Variants in TEX14 observed in about 807,000 individuals in gnomAD.
The protein encoded by TEX14 is inactive serine/threonine-protein kinase TEX14.
TEX14 carries 168 observed loss-of-function variants against 178.6 expected under a neutral mutation model. The ratio of observed to expected loss-of-function variants is 0.94; its 90% CI spans 0.83 to 1.07. The LOEUF is 1.07. Among genes scored for constraint, TEX14 ranks in the 50% least tolerant of loss-of-function variants. The pLI is 0.00. For synonymous variants in TEX14, 626 were observed against 634.1 expected (o/e 0.99, Z 0.19); for missense variants, 1,730 against 1,753.6 (o/e 0.99, Z 0.24).
intron 4 of TEX14, 82 bp from the exon 5 acceptor site, chr17:58,621,868 C>T (rs376414492): frequency 4.7e-5 from 68 of 1,461,292 alleles, no homozygotes; most frequent in African/African-American, 1.4e-4. Flanking sequence ...ATAAGTGGTC[C>T]GAGGAGCTGA....
intron 1 of TEX14, chr17:58,666,477 A>C (rs1412210773): frequency 6.7e-6 from 1 of 149,072 alleles, no homozygotes; most frequent in African/African-American, 2.5e-5. Context: ...AAAAAAAAAA[A>C]AAAAAAAAAA....
rs1360359180 is a variant in TEX14, at chr17:58,661,747, A to T, written c.-1-9745T>A. 2.0e-5 allele frequency: 11 copies of T among 557,110 alleles called. No homozygotes were observed. The East Asian group carries it at 3.3e-4, about 16-fold the overall frequency. The allele number at this position is 557,110 out of a possible 1,614,324, so 34.5% of individuals were successfully genotyped here. ...GTGGCGTTGGGGGCGGCATAGGGGA[A>T]GGCAACGGAGTCGGTTGTGCCGGGT... is the stretch of plus-strand genomic sequence containing the variant. On this transcript the variant is annotated intron_variant, in intron 1 of 31. Coordinates refer to ENST00000349033, the MANE Select transcript of TEX14 (RefSeq NM_031272.5).
At chr17:58,575,601 C>G (rs770079967) in intron 21 of TEX14, among the ~76,000 whole-genome samples, 4 of 152,262 alleles carry the variant, frequency 2.6e-5, no homozygotes, top group Admixed American at 6.5e-5. Context: ...CTTGTTTTAA[C>G]CAATAAAATA....
intron 1 of TEX14, chr17:58,659,364 C>T: frequency 2.0e-6 from 2 of 980,780 alleles, no homozygotes; most frequent in South Asian, 9.4e-5. Context: ...ATACTCATGG[C>T]AAATTGTATT....
At position 58,561,609 on chromosome 17, in the gene TEX14, A is replaced by G. The variant is rs1341959843; in HGVS notation, c.4068T>C (p.Ala1356=). Residue 1356 remains alanine (A), a synonymous_variant, in exon 29 of 32, where the codon GCT becomes GCC. Coordinates refer to ENST00000349033, the MANE Select transcript of TEX14 (RefSeq NM_031272.5). ...TEDLGEDTER[A]HSTLDEDLER... ...CCAGGTCCTCATCCAGAGTAGAGTG[A>G]GCTCTGTTTAAGGACAAGTGAAGAG... 1.9e-6 allele frequency: 3 copies of G among 1,610,528 alleles called. No homozygotes were observed. The highest frequency in any genetic ancestry group is 1.1e-5 in the South Asian group (1 of 90,992).
intron 2 of TEX14, among the ~76,000 whole-genome samples, chr17:58,648,784 TTC>T (rs1336620528): frequency 3.6e-5 from 5 of 140,256 alleles, no homozygotes; most frequent in African/African-American, 1.4e-4. Flanking sequence ...TTCTTTTTTT[TTC>T]TTTTTTTTTT....
chr17:58,588,272 C>T (rs1465437866), intron 15 of TEX14, among the ~76,000 whole-genome samples: 1 of 152,092 alleles, frequency 6.6e-6, no homozygotes, highest in African/African-American at 2.4e-5. Context: ...TGGTAACAGG[C>T]CCACCTTCAT....
intron 31 of TEX14, 68 bp downstream of exon 31, chr17:58,557,731 G>A: frequency 1.5e-6 from 2 of 1,298,066 alleles, no homozygotes; most frequent in Non-Finnish European, 1.1e-6. Flanking sequence ...ACTGGTAAAT[G>A]TTTTTAAGTC....
intron 1 of TEX14, among the ~76,000 whole-genome samples, chr17:58,666,896 T>A (rs1367811383): frequency 6.6e-6 from 1 of 152,210 alleles, no homozygotes; most frequent in Non-Finnish European, 1.5e-5. Flanking sequence ...CAGTCTTTAA[T>A]CTACATACTC....
rs537189848 is a variant in TEX14 at position 58,585,863 on chromosome 17, G to A, written c.3008C>T (p.Thr1003Met). ...GTCACTGTCACAGTCATTGTTGCCC[G>A]TCTTGTCAAACTTGCCATTTCCTCT... ...EPRGNGKFDK[T>M]GNNDCDSDQH... Residue 1003 changes from threonine (T) to methionine (M), a missense_variant, in exon 18 of 32, where the codon ACG becomes ATG. By Grantham distance (81) the Thr-to-Met change is moderately conservative. Around this residue, in one of 2 missense-constraint regions of TEX14, gnomAD observed 941 missense variants for 1,072.4 expected, o/e 0.88. Coordinates refer to ENST00000349033, the MANE Select transcript of TEX14 (RefSeq NM_031272.5). The A allele has an allele frequency of 4.5e-5, 73 of 1,613,954 alleles. No homozygotes were observed. Among genetic ancestry groups the A allele is most frequent in the African/African-American group, 1.5e-4 (11 of 74,962 alleles).
At chr17:58,678,883 G>A (rs543785689) in intron 1 of TEX14, among the ~76,000 whole-genome samples, 3 of 150,956 alleles carry the variant, frequency 2.0e-5, no homozygotes, top group Admixed American at 6.6e-5. Context: ...GCCAGGCGCC[G>A]TGGCTCACAC....
At chr17:58,579,578 G>A in intron 20 of TEX14, 87 bp downstream of exon 20, 8 of 1,144,524 alleles carry the variant, frequency 7.0e-6, no homozygotes, top group Non-Finnish European at 1.0e-5. Context: ...TGTCCCTCAG[G>A]ATCCCCCCAG....
intron 1 of TEX14, chr17:58,660,793 C>T (rs1361816473): frequency 3.8e-6 from 3 of 781,392 alleles, no homozygotes; most frequent in Non-Finnish European, 7.2e-6. Flanking sequence ...ACCAGTCACT[C>T]ACTGTCATGG....
rs1338569385 is a variant in TEX14 at position 58,621,660 on chromosome 17, G to A, written c.544C>T (p.Leu182Phe). The change falls in exon 5 of 32, where the codon CTC becomes TTC. Residue 182 changes from leucine to phenylalanine, a missense_variant. Transcript: ENST00000349033. Reference sequence around the variant, plus strand: ...CAAGGCAGTACTCACCCCTGCACGAGGCCCCCACACCAGGACGGGCTGTAG... The same window carrying A: ...CAAGGCAGTACTCACCCCTGCACGAAGCCCCCACACCAGGACGGGCTGTAG... ...LVYSPSWCGG[L>F]VQGNPNGSPN... 2 of 1,613,624 alleles carry A rather than the reference G, an allele frequency of 1.2e-6. No homozygotes were observed. The highest frequency in any genetic ancestry group is 1.7e-6 in the Non-Finnish European group (2 of 1,179,742).
At chr17:58,683,960 G>C (rs2047547468) in intron 1 of TEX14, among the ~76,000 whole-genome samples, 1 of 151,900 alleles carries the variant, frequency 6.6e-6, no homozygotes, top group Non-Finnish European at 1.5e-5. Flanking sequence ...AGCTACTCGG[G>C]AGGCTGAGGC....
chr17:58,642,271 C>T (rs989234278), intron 2 of TEX14, among the ~76,000 whole-genome samples: 1 of 152,184 alleles, frequency 6.6e-6, no homozygotes, highest in South Asian at 2.1e-4. Flanking sequence ...GCACAGTGTT[C>T]TAATCAACCA....
intron 28 of TEX14, among the ~76,000 whole-genome samples, chr17:58,563,656 T>TAG (rs2044327521): frequency 1.6e-4 from 3 of 18,752 alleles, no homozygotes; most frequent in Non-Finnish European, 2.5e-4. Flanking sequence ...TATATATATA[T>TAG]ATAGAGAGAG....
In TEX14 at chr17:58,659,321, G is replaced by T. The variant is rs1258020212; in HGVS notation, c.-1-7319C>A. Reference sequence around the variant, plus strand: ...ACAAAGACATTATTTACTTAATATTGCTAATACCTTACCATCGTCCTCAAC... The same window carrying T: ...ACAAAGACATTATTTACTTAATATTTCTAATACCTTACCATCGTCCTCAAC... On this transcript the variant is annotated intron_variant, in intron 1 of 31. Coordinates refer to ENST00000349033, the MANE Select transcript of TEX14 (RefSeq NM_031272.5). 5.1e-6 allele frequency: 5 copies of T among 981,378 alleles called. No individual in the cohort carries two copies. The East Asian group carries it at 3.4e-4, about 67-fold the overall frequency. 60.8% of individuals were successfully genotyped at this position (981,378 alleles called of 1,614,324 possible).
intron 21 of TEX14, among the ~76,000 whole-genome samples, chr17:58,576,815 T>A (rs1204233519): frequency 6.6e-6 from 1 of 152,208 alleles, no homozygotes; most frequent in African/African-American, 2.4e-5. Context: ...TCAGCATAAT[T>A]CTCTGGAAAT....
Sources: allele counts gnomAD v4.1 joint callset (sites outside exome capture counted in the v4.1 genomes callset), GRCh38; gene constraint gnomAD v4.1.1; regional missense constraint gnomAD v4.1.1; transcripts MANE v1.5; gene names NCBI Gene and HGNC (gene_info 2026-07-23, HGNC 2026-07-21).